Variants in RPA3 observed in about 807,000 individuals in gnomAD.
RPA3 encodes the protein replication protein A 14 kDa subunit.
In RPA3, 24 loss-of-function variants were observed where a neutral mutation model predicts 13.7. The ratio of observed to expected loss-of-function variants is 1.75; its 90% CI spans 1.27 to 2.46. The LOEUF is 2.46. Ranked by LOEUF, RPA3 falls within the 30% of genes most tolerant of loss-of-function variation. RPA3 has a pLI of 0.00. For synonymous variants in RPA3, 59 were observed against 51.2 expected (o/e 1.15, Z -0.65); for missense variants, 183 against 151.0 (o/e 1.21, Z -1.11).
At chr7:7,706,962 G>C (rs1197210633) in intron 2 of RPA3, among the ~76,000 whole-genome samples, 1 of 152,096 alleles carries the variant, frequency 6.6e-6, no homozygotes, top group Non-Finnish European at 1.5e-5. Flanking sequence ...CTAATGCCAG[G>C]CTTATATTCT....
Position 7,636,775 on chromosome 7 carries a change from A to T in RPA3, c.*225T>A. On this transcript the variant is annotated 3_prime_UTR_variant, in exon 8 of 8. Transcript: ENST00000223129. Reference sequence around the variant, plus strand: ...AAACTTAGACTCGGACAACTGCTTTATTCTTGCATCTAATCTGACCATATA... The same window carrying T: ...AAACTTAGACTCGGACAACTGCTTTTTTCTTGCATCTAATCTGACCATATA... The T allele has an allele frequency of 2.2e-6, 1 of 449,578 alleles. No individual in the cohort carries two copies. The highest frequency in any genetic ancestry group is 3.7e-5 in the South Asian group (1 of 26,884). The allele number at this position is 449,578 out of a possible 1,614,324, so 27.8% of individuals were successfully genotyped here. A position where few individuals can be genotyped will look rare whatever the true frequency, so the allele number is the denominator to read the frequency against.
At chr7:7,648,496 G>T (rs1206442129) in intron 4 of RPA3, among the ~76,000 whole-genome samples, 1 of 152,058 alleles carries the variant, frequency 6.6e-6, no homozygotes, top group East Asian at 1.9e-4. Flanking sequence ...GATGTATTAT[G>T]ATTTGTCTTA....
chr7:7,661,370 C>G (rs568772593), intron 4 of RPA3, among the ~76,000 whole-genome samples: 6 of 152,272 alleles, frequency 3.9e-5, no homozygotes, highest in African/African-American at 1.4e-4. Context: ...AGTTATGATC[C>G]TTTGGAGGAG....
chr7:7,693,295 TTATCTATC>T (rs1250261083), intron 2 of RPA3, among the ~76,000 whole-genome samples: 2,778 of 148,976 alleles, frequency 0.019, 84 homozygotes, highest in African/African-American at 0.065. Context: ...TAAAATATCT[TTATCTATC>T]TATCTATCTA....
chr7:7,656,922 C>A (rs182650115), intron 4 of RPA3, among the ~76,000 whole-genome samples: 22 of 152,222 alleles, frequency 1.4e-4, no homozygotes, highest in Admixed American at 4.6e-4. Context: ...CTAATTTACA[C>A]TTCCACCAAC....
In RPA3 at chr7:7,670,612, A is replaced by G. The variant is rs1186963253; in HGVS notation, c.-758+15218T>C. On this transcript the variant is annotated intron_variant, in intron 4 of 7. Coordinates refer to ENST00000223129, the MANE Select transcript of RPA3 (RefSeq NM_002947.5). ...GTCTGTCTCATTGCCCCATTCAGAT[A>G]TAGCATCATGCTCAAAGTTCAGTGC... 2.6e-5 allele frequency among the ~76,000 whole-genome samples: 4 copies of G among 152,224 alleles called. No individual in the cohort carries two copies. The East Asian group carries it at 5.8e-4, about 22-fold the overall frequency.
chr7:7,702,703 C>T (rs139279654), intron 2 of RPA3, among the ~76,000 whole-genome samples: 142 of 152,158 alleles, frequency 9.3e-4, no homozygotes, highest in African/African-American at 3.3e-3. Context: ...CTTACTTTTC[C>T]ACTGACATCT....
At chr7:7,650,679 A>G (rs962517294) in intron 4 of RPA3, among the ~76,000 whole-genome samples, 3 of 152,358 alleles carry the variant, frequency 2.0e-5, no homozygotes, top group South Asian at 2.1e-4. Flanking sequence ...TAAAGTGGCA[A>G]TGTTACTTGT....
chr7:7,668,221 C>T (rs942472748), intron 4 of RPA3, among the ~76,000 whole-genome samples: 1 of 152,116 alleles, frequency 6.6e-6, no homozygotes, highest in Non-Finnish European at 1.5e-5. Context: ...TCCTACTTTA[C>T]TTCTTTTACT....
chr7:7,649,137 G>A (rs1357942215), intron 4 of RPA3, among the ~76,000 whole-genome samples: 4 of 118,222 alleles, frequency 3.4e-5, no homozygotes, highest in South Asian at 2.6e-4. Flanking sequence ...CAGCCCGTGC[G>A]ACAAGAGCGA....
At chr7:7,653,411 G>C (rs965657565) in intron 4 of RPA3, among the ~76,000 whole-genome samples, 1 of 152,118 alleles carries the variant, frequency 6.6e-6, no homozygotes, top group African/African-American at 2.4e-5. Context: ...TCTCAAAAAG[G>C]CAGTAATCTT....
At position 7,697,200 on chromosome 7, in the gene RPA3, C is replaced by T. The variant is rs116851548; in HGVS notation, c.-1027-9872G>A. On this transcript the variant is annotated intron_variant, in intron 2 of 7. Coordinates refer to ENST00000223129, the MANE Select transcript of RPA3 (RefSeq NM_002947.5). ...TTCTTGATGGAATGTGTACCTGACA[C>T]TTTGATACACTTTGCAACAGTCCTG... Among the ~76,000 whole-genome samples the T allele has an allele frequency of 3.4e-4, 52 of 152,252 alleles. 1 individual carries two copies. In the East Asian group the frequency reaches 9.1e-3, roughly 27 times the overall value.
rs566263844 is a variant in RPA3, at chr7:7,642,306, G to T, written c.-757-1131C>A. On this transcript the variant is annotated intron_variant, in intron 4 of 7. Transcript: ENST00000223129. ...CATACCACCACACCCAGCTAATAAA[G>T]ATTTTTTTTTTGTTGTTTGTTTTTT... 3.8e-5 allele frequency among the ~76,000 whole-genome samples: 5 copies of T among 131,044 alleles called. No homozygotes were observed. The South Asian group carries it at 8.9e-4, about 23-fold the overall frequency. The allele number at this position is 131,044 out of a possible 152,430, so 86.0% of individuals were successfully genotyped here. A position where few individuals can be genotyped will look rare whatever the true frequency, so the allele number is the denominator to read the frequency against.
intron 4 of RPA3, among the ~76,000 whole-genome samples, chr7:7,649,891 G>A (rs76468190): frequency 0.011 from 1,632 of 152,290 alleles, 30 homozygotes; most frequent in African/African-American, 0.036. Flanking sequence ...TCAACCATAT[G>A]AAATTATAGT....
At chr7:7,709,052 C>G (rs1780681928) in intron 2 of RPA3, among the ~76,000 whole-genome samples, 1 of 151,862 alleles carries the variant, frequency 6.6e-6, no homozygotes, top group African/African-American at 2.4e-5. Flanking sequence ...TTAAAAATAC[C>G]AATTAACTAC....
At chr7:7,710,175 T>A (rs952353742) in intron 2 of RPA3, among the ~76,000 whole-genome samples, 3 of 152,210 alleles carry the variant, frequency 2.0e-5, no homozygotes, top group African/African-American at 7.2e-5. Context: ...CCACAATTTA[T>A]ATATCTGTTC....
At chr7:7,649,569 T>G (rs2115548884) in intron 4 of RPA3, among the ~76,000 whole-genome samples, 1 of 152,356 alleles carries the variant, frequency 6.6e-6, no homozygotes, top group South Asian at 2.1e-4. Context: ...GTGTTCTGTT[T>G]TGTTGTTATT....
chr7:7,677,086 G>A (rs972077079), intron 4 of RPA3, among the ~76,000 whole-genome samples: 8 of 151,998 alleles, frequency 5.3e-5, no homozygotes, highest in African/African-American at 1.9e-4. Context: ...GCACACATCT[G>A]TTTTGTTTTA....
chr7:7,662,129 C>G (rs978470585), intron 4 of RPA3, among the ~76,000 whole-genome samples: 6 of 152,192 alleles, frequency 3.9e-5, no homozygotes, highest in Admixed American at 2.6e-4. Context: ...ACGGCCCACT[C>G]AAGCCTCAGT....
Sources: gnomAD v4.1 joint callset for allele counts (sites outside exome capture counted in the v4.1 genomes callset) on GRCh38, gnomAD v4.1.1 for gene constraint, MANE v1.5 for transcripts, NCBI Gene and HGNC (gene_info 2026-07-23, HGNC 2026-07-21) for gene names.